The following KIFAP3 variants were observed in gnomAD, a reference collection of about 807,000 sequenced individuals.
KIFAP3 encodes the protein kinesin associated protein 3.
A neutral mutation model predicts 106.5 loss-of-function variants in KIFAP3; 68 were observed. The ratio of observed to expected loss-of-function variants is 0.64; its 90% CI spans 0.53 to 0.78. KIFAP3 has a LOEUF of 0.78. KIFAP3 is among the 30% of genes least tolerant of loss of function. The pLI is 0.00. For synonymous variants in KIFAP3, 320 were observed against 311.5 expected, an observed-to-expected ratio of 1.03 and a Z score of -0.29; for missense variants, 780 against 941.8, an observed-to-expected ratio of 0.83 and a Z score of 2.25.
upstream of KIFAP3, among the ~76,000 whole-genome samples, chr1:170,075,120 AAAAC>A (rs374280684): frequency 1.9e-3 from 287 of 152,238 alleles, 2 homozygotes; most frequent in East Asian, 6.6e-3. Context: ...TCCCCCAACC[AAAAC>A]AAACAAACAA....
chr1:170,029,320 T>C (rs1240074847), intron 8 of KIFAP3, among the ~76,000 whole-genome samples: 2 of 151,760 alleles, frequency 1.3e-5, no homozygotes, highest in Admixed American at 1.3e-4. Flanking sequence ...CTCTCAATAA[T>C]AGAAAAAGTA....
chr1:170,066,542 C>T (rs1671454668), intron 1 of KIFAP3, among the ~76,000 whole-genome samples: 1 of 152,000 alleles, frequency 6.6e-6, no homozygotes, highest in Non-Finnish European at 1.5e-5. Context: ...ATTACAGTGC[C>T]AAGATCCAGG....
chr1:170,051,652 C>CCA (rs1339733825), intron 2 of KIFAP3, among the ~76,000 whole-genome samples: 2 of 152,190 alleles, frequency 1.3e-5, no homozygotes, highest in Non-Finnish European at 2.9e-5. Flanking sequence ...GTCTCTCAGA[C>CCA]CACAGTGCAA....
chr1:170,059,160 A>T (rs1003265194), intron 1 of KIFAP3, among the ~76,000 whole-genome samples: 12 of 152,196 alleles, frequency 7.9e-5, no homozygotes, highest in African/African-American at 2.9e-4. Context: ...GGCAAGAAAT[A>T]ACTAAGATCA....
chr1:169,942,330 T>G (rs895169529), intron 19 of KIFAP3, among the ~76,000 whole-genome samples: 11 of 152,188 alleles, frequency 7.2e-5, no homozygotes, highest in African/African-American at 2.4e-4. Flanking sequence ...TATGGAGTCT[T>G]GGAATCTTCA....
At chr1:170,083,390 T>C (rs939566915) in intron 1 of KIFAP3, among the ~76,000 whole-genome samples, 2 of 152,212 alleles carry the variant, frequency 1.3e-5, no homozygotes, top group Non-Finnish European at 2.9e-5. Context: ...ATTCAGCACT[T>C]GGACTTGCAT....
chr1:170,071,533 G>GA (rs1671703597), intron 1 of KIFAP3, among the ~76,000 whole-genome samples: 2 of 152,170 alleles, frequency 1.3e-5, no homozygotes, highest in African/African-American at 4.8e-5. Context: ...GAGGGCTTTT[G>GA]TGCTTCATTA....
intron 10 of KIFAP3, among the ~76,000 whole-genome samples, chr1:170,003,355 T>C (rs1319012653): frequency 6.6e-6 from 1 of 152,170 alleles, no homozygotes. Flanking sequence ...CTATAAAATA[T>C]AAGTGAAATT....
intron 16 of KIFAP3, among the ~76,000 whole-genome samples, chr1:169,977,424 C>T (rs935688466): frequency 6.6e-6 from 1 of 152,168 alleles, no homozygotes; most frequent in Admixed American, 6.5e-5. Flanking sequence ...TTAGTACTTA[C>T]AACAATTCTA....
chr1:169,997,969 A>AGTGACC (rs1355913312), intron 10 of KIFAP3, among the ~76,000 whole-genome samples: 1 of 150,956 alleles, frequency 6.6e-6, no homozygotes, highest in Non-Finnish European at 1.5e-5. Context: ...GGCTCTACTC[A>AGTGACC]GTGACCCATA....
intron 5 of KIFAP3, among the ~76,000 whole-genome samples, chr1:170,037,111 T>G (rs1225242209): frequency 1.3e-5 from 2 of 152,202 alleles, no homozygotes; most frequent in Admixed American, 6.5e-5. Flanking sequence ...GGTATTGGTA[T>G]GTATATCATC....
chr1:170,005,541 G>A (rs914383262), intron 10 of KIFAP3, among the ~76,000 whole-genome samples: 1 of 151,878 alleles, frequency 6.6e-6, no homozygotes, highest in Non-Finnish European at 1.5e-5. Context: ...AAAATGATGA[G>A]TTCATGTCCT....
chr1:169,979,794 A>G (rs1376058287), intron 15 of KIFAP3, among the ~76,000 whole-genome samples: 2 of 152,170 alleles, frequency 1.3e-5, no homozygotes, highest in Non-Finnish European at 2.9e-5. Flanking sequence ...AAATGAGTAC[A>G]TATGTTCACC....
chr1:170,002,620 A>G (rs751488615), intron 10 of KIFAP3, among the ~76,000 whole-genome samples: 31 of 152,206 alleles, frequency 2.0e-4, no homozygotes, highest in Non-Finnish European at 4.0e-4. Context: ...GATGGCTCAA[A>G]CCTTCATACT....
At chr1:170,057,823 A>G (rs1670927441) in intron 1 of KIFAP3, among the ~76,000 whole-genome samples, 1 of 152,142 alleles carries the variant, frequency 6.6e-6, no homozygotes, top group South Asian at 2.1e-4. Context: ...GCATACTATG[A>G]CACTGATATT....
upstream of KIFAP3, among the ~76,000 whole-genome samples, chr1:170,078,707 C>A (rs12121371): frequency 6.6e-6 from 1 of 152,108 alleles, no homozygotes; most frequent in Non-Finnish European, 1.5e-5. Flanking sequence ...ACACAAATAG[C>A]TTCACTTATG....
chr1:170,033,705 T>C (rs543928429), intron 7 of KIFAP3, among the ~76,000 whole-genome samples: 1 of 151,888 alleles, frequency 6.6e-6, no homozygotes, highest in African/African-American at 2.4e-5. Context: ...TTCAGTGCAC[T>C]AAGCAAAAGA....
At chr1:169,981,666 T>C (rs1666530946) in intron 15 of KIFAP3, among the ~76,000 whole-genome samples, 1 of 152,192 alleles carries the variant, frequency 6.6e-6, no homozygotes, top group African/African-American at 2.4e-5. Flanking sequence ...TTGGAATGTA[T>C]TCCCCTTGAT....
At chr1:170,060,791 T>A (rs949191700) in intron 1 of KIFAP3, among the ~76,000 whole-genome samples, 4 of 152,194 alleles carry the variant, frequency 2.6e-5, no homozygotes, top group African/African-American at 9.6e-5. Flanking sequence ...CAAAACAGCA[T>A]GTTACTGGTA....
Sources: allele counts gnomAD v4.1 joint callset (sites outside exome capture counted in the v4.1 genomes callset), GRCh38; gene constraint gnomAD v4.1.1; transcripts MANE v1.5; gene names NCBI Gene and HGNC (gene_info 2026-07-23, HGNC 2026-07-21).